The following VPS54 variants were observed in gnomAD, a reference collection of about 807,000 sequenced individuals.
VPS54 encodes vacuolar protein sorting-associated protein 54.
Under a neutral mutation model 121.5 loss-of-function variants are expected in VPS54, and 45 were observed. The ratio of observed to expected loss-of-function variants is 0.37; its 90% confidence interval spans 0.29 to 0.47. The LOEUF (loss-of-function observed/expected upper bound fraction) is 0.47, where lower values mean the gene tolerates loss of function less well. Ranked by LOEUF, VPS54 falls within the 20% of genes least tolerant of loss-of-function variation. The pLI, the probability that VPS54 is intolerant of heterozygous loss-of-function variation, is 0.99. For synonymous variants in VPS54, 371 were observed against 385.8 expected (o/e 0.96, Z 0.45); for missense variants, 1,090 against 1,131.4 (o/e 0.96, Z 0.52).
At chr2:63,907,109 T>C (rs1440577699) in intron 20 of VPS54, among the ~76,000 whole-genome samples, 1 of 152,206 alleles carries the variant, frequency 6.6e-6, no homozygotes, top group Non-Finnish European at 1.5e-5. Flanking sequence ...CACTGACTTA[T>C]ACTTTGCATT....
chr2:63,997,141 C>T (rs183171432), intron 1 of VPS54, among the ~76,000 whole-genome samples: 2 of 152,248 alleles, frequency 1.3e-5, no homozygotes, highest in Non-Finnish European at 2.9e-5. Flanking sequence ...CTGGTTCCCC[C>T]GTTAGACATA....
At chr2:63,987,852 A>T (rs1435498940) in intron 1 of VPS54, among the ~76,000 whole-genome samples, 1 of 152,194 alleles carries the variant, frequency 6.6e-6, no homozygotes, top group Non-Finnish European at 1.5e-5. Flanking sequence ...TGTAAATGAT[A>T]CTGATTTTTG....
rs750418315 is a variant in VPS54 at position 63,944,632 on chromosome 2, T to C, written c.1269A>G (p.Gln423=). 1 of 1,610,086 alleles carries C rather than the reference T, an allele frequency of 6.2e-7. No individual in the cohort carries two copies. The highest frequency in any genetic ancestry group is 1.1e-5 in the South Asian group (1 of 90,372). The change falls in exon 10 of 23, where the codon CAA becomes CAG. Residue 423 remains glutamine, a synonymous_variant. Transcript: ENST00000272322. The part of the protein sequence containing the change: ...IKQCVINKVS[Q]TEEIDTDVVV... ...CAACATCTGTGTCTATTTCTTCTGT[T>C]TGTGAAACTTTATTAATCACACACT... is the stretch of plus-strand genomic sequence containing the variant.
rs1226260943 is a variant in VPS54 at position 63,914,214 on chromosome 2, C to G, written c.2302G>C (p.Asp768His). The part of the protein sequence containing the change: ...CVDNIPSVTT[D>H]MLTRLSDLLK... The stretch of plus-strand genomic sequence containing the variant: ...AAATCTGACAGACGAGTAAGCATGT[C>G]AGTAGTAACAGATGGGATGTTATCC... Residue 768 changes from aspartate to histidine, a missense_variant, in exon 17 of 23, where the codon GAC (aspartate) becomes CAC (histidine). Transcript: ENST00000272322. The G allele has an allele frequency of 6.2e-7, 1 of 1,613,446 alleles. No homozygotes were observed. The highest frequency in any genetic ancestry group is 1.3e-5 in the African/African-American group (1 of 74,846).
chr2:64,001,910 G>C (rs116754904), intron 1 of VPS54, among the ~76,000 whole-genome samples: 257 of 152,132 alleles, frequency 1.7e-3, no homozygotes, highest in African/African-American at 5.8e-3. Flanking sequence ...CACTGGTGCC[G>C]AGCCCAGTTC....
chr2:64,007,947 T>G (rs78479722), intron 1 of VPS54, among the ~76,000 whole-genome samples: 1,580 of 151,550 alleles, frequency 0.01, 7 homozygotes, highest in Non-Finnish European at 0.016. Flanking sequence ...GCAATCCCAC[T>G]GAGGTTAAGA....
chr2:63,947,803 T>C (rs1182348279), intron 8 of VPS54, among the ~76,000 whole-genome samples: 1 of 152,110 alleles, frequency 6.6e-6, no homozygotes, highest in African/African-American at 2.4e-5. Flanking sequence ...TGATGACCAA[T>C]AAATACTCCA....
intron 1 of VPS54, among the ~76,000 whole-genome samples, chr2:63,998,110 A>G (rs1386754971): frequency 1.3e-5 from 2 of 152,072 alleles, no homozygotes; most frequent in East Asian, 3.9e-4. Flanking sequence ...TATTTGCTTT[A>G]TATATGAGTG....
At chr2:64,002,789 G>A (rs1009492590) in intron 1 of VPS54, among the ~76,000 whole-genome samples, 1 of 152,122 alleles carries the variant, frequency 6.6e-6, no homozygotes, top group Non-Finnish European at 1.5e-5. Context: ...TATAACAAGA[G>A]GGAAGATCTC....
At chr2:63,974,595 TTAGA>T (rs1218303987) in intron 3 of VPS54, among the ~76,000 whole-genome samples, 4 of 152,228 alleles carry the variant, frequency 2.6e-5, no homozygotes, top group African/African-American at 9.6e-5. Flanking sequence ...CTCCATTTAT[TTAGA>T]TATTTAATTT....
At chr2:63,921,850 G>C (rs1673661930) in intron 12 of VPS54, among the ~76,000 whole-genome samples, 1 of 152,146 alleles carries the variant, frequency 6.6e-6, no homozygotes, top group African/African-American at 2.4e-5. Flanking sequence ...TCAACACTTG[G>C]TTCAGACTCC....
intron 8 of VPS54, among the ~76,000 whole-genome samples, chr2:63,948,379 C>G (rs76921330): frequency 6.8e-6 from 1 of 148,034 alleles, no homozygotes; most frequent in Admixed American, 6.8e-5. Context: ...ATTTGAATGA[C>G]GGGTAATTAC....
At chr2:64,000,744 T>C (rs1677833268) in intron 1 of VPS54, among the ~76,000 whole-genome samples, 1 of 152,220 alleles carries the variant, frequency 6.6e-6, no homozygotes, top group African/African-American at 2.4e-5. Flanking sequence ...ATGAAGTCTC[T>C]TTCTGCTGAG....
intron 1 of VPS54, among the ~76,000 whole-genome samples, chr2:64,010,676 T>C (rs1347349494): frequency 1.4e-5 from 2 of 143,098 alleles, no homozygotes; most frequent in Non-Finnish European, 3.0e-5. Context: ...ACACTATTTA[T>C]CATTTGACAA....
intron 3 of VPS54, among the ~76,000 whole-genome samples, chr2:63,978,385 C>G (rs1676646887): frequency 1.3e-5 from 2 of 152,160 alleles, no homozygotes; most frequent in South Asian, 4.1e-4. Flanking sequence ...TACCCACTCT[C>G]AGATTTCAGT....
At chr2:63,932,598 A>G (rs1575924841) in intron 12 of VPS54, among the ~76,000 whole-genome samples, 1 of 152,096 alleles carries the variant, frequency 6.6e-6, no homozygotes. Flanking sequence ...TGGCACATGT[A>G]TACCTATGTA....
At chr2:63,915,733 A>T (rs1323912622) in intron 16 of VPS54, among the ~76,000 whole-genome samples, 1 of 152,226 alleles carries the variant, frequency 6.6e-6, no homozygotes, top group African/African-American at 2.4e-5. Flanking sequence ...GAAACAGGGA[A>T]GGACTTCAGA....
At chr2:63,913,952 C>T in intron 17 of VPS54, 1 of 1,309,922 alleles carries the variant, frequency 7.6e-7, no homozygotes, top group South Asian at 1.8e-5. Flanking sequence ...CTCCTGTCTC[C>T]AATGTCATTA....
chr2:63,965,694 G>T, intron 6 of VPS54, 141 bp downstream of exon 6: 1 of 1,192,480 alleles, frequency 8.4e-7, no homozygotes, highest in Non-Finnish European at 1.2e-6. Context: ...TATCAGTTAA[G>T]ATTGGGAGGC....
Sources: allele counts gnomAD v4.1 joint callset (sites outside exome capture counted in the v4.1 genomes callset), GRCh38; gene constraint gnomAD v4.1.1; transcripts MANE v1.5; gene names NCBI Gene and HGNC (gene_info 2026-07-23, HGNC 2026-07-21).